The following BACH2 variants were observed in gnomAD, a reference collection of about 807,000 sequenced individuals.
BACH2 encodes the protein transcription regulator protein BACH2.
Under a neutral mutation model 61.8 loss-of-function variants are expected in BACH2, and 5 were observed. The observed-to-expected ratio is 0.08, with a 90% confidence interval of 0.04 to 0.17. The LOEUF is 0.17. BACH2 is among the 10% of genes least tolerant of loss of function. The pLI is 1.00. For synonymous variants in BACH2, 446 were observed against 440.1 expected (o/e 1.01, Z -0.17); for missense variants, 824 against 1,091.1 (o/e 0.76, Z 3.45).
At chr6:90,265,245 T>C (rs1473083234) in intron 2 of BACH2, among the ~76,000 whole-genome samples, 1 of 152,178 alleles carries the variant, frequency 6.6e-6, no homozygotes, top group African/African-American at 2.4e-5. Context: ...TGGAGGACAG[T>C]TGCTTCTCCC....
At chr6:90,081,270 C>T (rs1429729219) in intron 5 of BACH2, among the ~76,000 whole-genome samples, 2 of 152,130 alleles carry the variant, frequency 1.3e-5, no homozygotes, top group Non-Finnish European at 2.9e-5. Context: ...ATGACATGCC[C>T]ATCACTAAAC....
intron 4 of BACH2, among the ~76,000 whole-genome samples, chr6:90,166,864 C>T (rs192632871): frequency 0.014 from 1,983 of 143,160 alleles, 18 homozygotes; most frequent in Non-Finnish European, 0.021. Context: ...AATGAGAACA[C>T]ATGGACACAG....
chr6:89,932,934 C>A (rs759888631), intron 8 of BACH2, 44 bp from the exon 9 acceptor site: 2 of 1,519,618 alleles, frequency 1.3e-6, no homozygotes, highest in South Asian at 2.7e-5. Flanking sequence ...CAAGCCTGAA[C>A]TGGAGGACAG....
intron 6 of BACH2, among the ~76,000 whole-genome samples, chr6:90,006,724 C>G (rs1291511975): frequency 6.6e-6 from 1 of 151,904 alleles, no homozygotes; most frequent in South Asian, 2.1e-4. Context: ...TCAAGCAATC[C>G]TCCCTCCTCA....
intron 4 of BACH2, among the ~76,000 whole-genome samples, chr6:90,204,665 A>C (rs1769080136): frequency 6.6e-6 from 1 of 152,148 alleles, no homozygotes; most frequent in Non-Finnish European, 1.5e-5. Context: ...CGGAGCTGTC[A>C]CAGCAAACTG....
intron 4 of BACH2, among the ~76,000 whole-genome samples, chr6:90,094,602 A>C (rs911642385): frequency 1.1e-4 from 16 of 152,180 alleles, no homozygotes; most frequent in Admixed American, 2.0e-4. Context: ...CTAAACTTCA[A>C]GGACGGGACA....
rs552414284 is a variant in BACH2, at chr6:90,266,540, A to G, written c.-353+5309T>C. Among the ~76,000 whole-genome samples the G allele has an allele frequency of 2.6e-5, 4 of 152,350 alleles. No individual in the cohort carries two copies. In the East Asian group the frequency reaches 7.7e-4, roughly 29 times the overall value. On this transcript the variant is annotated intron_variant, in intron 2 of 8. Coordinates refer to ENST00000257749, the MANE Select transcript of BACH2 (RefSeq NM_021813.4). ...TAAATGGATAAACAAATTATTGTAT[A>G]TTGTAGCATACAATAAAATTTTATC...
chr6:89,943,767 A>G (rs905711389), intron 7 of BACH2, among the ~76,000 whole-genome samples: 19 of 152,220 alleles, frequency 1.2e-4, no homozygotes, highest in Admixed American at 2.6e-4. Flanking sequence ...TAGTTTGTTA[A>G]TATTTTTTCC....
At chr6:90,251,098 A>T (rs778245391) in intron 3 of BACH2, among the ~76,000 whole-genome samples, 1 of 152,202 alleles carries the variant, frequency 6.6e-6, no homozygotes, top group Non-Finnish European at 1.5e-5. Flanking sequence ...TTCAGTTGGA[A>T]CTACAGTTAA....
intron 5 of BACH2, among the ~76,000 whole-genome samples, chr6:90,011,049 A>G (rs1308001248): frequency 1.3e-5 from 2 of 152,190 alleles, no homozygotes; most frequent in African/African-American, 4.8e-5. Flanking sequence ...GATTCTCTTA[A>G]AAGTGTCTTT....
intron 6 of BACH2, among the ~76,000 whole-genome samples, chr6:89,993,071 T>C (rs543881611): frequency 6.6e-6 from 1 of 152,210 alleles, no homozygotes; most frequent in Non-Finnish European, 1.5e-5. Flanking sequence ...GGCGGCTGTC[T>C]GTAAGCCCAA....
intron 4 of BACH2, among the ~76,000 whole-genome samples, chr6:90,205,024 T>C (rs529550687): frequency 6.6e-5 from 10 of 152,196 alleles, no homozygotes; most frequent in African/African-American, 2.4e-4. Context: ...CCCATAAAAC[T>C]TGCATCTAGG....
intron 1 of BACH2, among the ~76,000 whole-genome samples, chr6:90,273,132 G>A (rs1050415659): frequency 6.6e-6 from 1 of 152,114 alleles, no homozygotes; most frequent in African/African-American, 2.4e-5. Flanking sequence ...AGGCTAAGGC[G>A]GAGGATCGCT....
chr6:90,004,813 C>T (rs1218067832), intron 6 of BACH2, among the ~76,000 whole-genome samples: 1 of 152,296 alleles, frequency 6.6e-6, no homozygotes, highest in African/African-American at 2.4e-5. Context: ...CTTAGCAAAA[C>T]ATATACTTAC....
rs752005438 is a variant in BACH2 at position 89,951,514 on chromosome 6, G to A, written c.592C>T (p.Pro198Ser). 1 of 1,614,216 alleles carries A rather than the reference G, an allele frequency of 6.2e-7. No homozygotes were observed. The highest frequency in any genetic ancestry group is 1.7e-5 in the Admixed American group (1 of 60,024). ...AGGGCTTCTTCCTTCTCTGCTACGGGGATGGCGGCGGCCTCAAAGCTGATG... is the reference window on the plus strand; with the variant it reads ...AGGGCTTCTTCCTTCTCTGCTACGGAGATGGCGGCGGCCTCAAAGCTGATG... ...EPISFEAAAI[P>S]VAEKEEALLP... The change falls in exon 7 of 9, where the codon CCC (proline) becomes TCC (serine). Residue 198 changes from proline (P) to serine (S), a missense_variant. By Grantham distance (74) the Pro-to-Ser change is moderately conservative. Around this residue, in one of 8 missense-constraint regions of BACH2, gnomAD observed 107 missense variants for 121.7 expected, o/e 0.88. Coordinates refer to ENST00000257749, the MANE Select transcript of BACH2 (RefSeq NM_021813.4). This position sits in a 1 kb window ranked among gnomAD's most constrained non-coding sequence, Gnocchi z 6.4.
chr6:89,970,780 C>T lies in BACH2; in HGVS notation c.244-18918G>A, dbSNP rs140096778. On this transcript the variant is annotated intron_variant, in intron 6 of 8. Coordinates refer to ENST00000257749, the MANE Select transcript of BACH2 (RefSeq NM_021813.4). ...TGCCCAGGCCCCCACCTGGGTGGTG[C>T]GCAATTCTAGGAATATGCTCTGGCT... Among the ~76,000 whole-genome samples the T allele has an allele frequency of 5.8e-3, 881 of 152,174 alleles. 7 individuals are homozygous for T. Among genetic ancestry groups the T allele is most frequent in the Middle Eastern group, 0.01 (3 of 294 alleles).
rs932651342 is a variant in BACH2 at position 90,053,278 on chromosome 6, C to CT, written c.-13+35682dup. On this transcript the variant is annotated intron_variant, in intron 5 of 8. Transcript: ENST00000257749. Reference sequence around the variant, plus strand: ...TCTTTTCTTCTTTCTGAAGTATACGCTTTTTTTTTCTTTTATTTAGAGACA... The same window carrying CT: ...TCTTTTCTTCTTTCTGAAGTATACGCTTTTTTTTTTCTTTTATTTAGAGACA... 1.5e-4 allele frequency among the ~76,000 whole-genome samples: 22 copies of CT among 151,378 alleles called. No individual in the cohort carries two copies. In the Middle Eastern group the frequency reaches 0.01, roughly 71 times the overall value.
At position 89,938,121 on chromosome 6, in the gene BACH2, T is replaced by A. The variant is rs753964543; in HGVS notation, c.2043+23A>T. The A allele has an allele frequency of 7.5e-6, 12 of 1,603,126 alleles. No homozygotes were observed. In the Admixed American group the frequency reaches 2.0e-4, roughly 27 times the overall value. ...AGTCCTGGTCACTTCAGGTTGCTGATCACAATGGATGGGTCAACTCACCAA... is the reference window on the plus strand; with the variant it reads ...AGTCCTGGTCACTTCAGGTTGCTGAACACAATGGATGGGTCAACTCACCAA... On this transcript the variant is annotated intron_variant, in intron 8 of 8. Coordinates refer to ENST00000257749, the MANE Select transcript of BACH2 (RefSeq NM_021813.4).
chr6:90,183,833 G>A (rs1009157770), intron 4 of BACH2, among the ~76,000 whole-genome samples: 6 of 152,150 alleles, frequency 3.9e-5, no homozygotes, highest in Non-Finnish European at 5.9e-5. Context: ...CTTCATATCA[G>A]CCATGAAGCA....
Sources: allele counts gnomAD v4.1 joint callset (sites outside exome capture counted in the v4.1 genomes callset), GRCh38; gene constraint gnomAD v4.1.1; regional missense constraint gnomAD v4.1.1; non-coding constraint Gnocchi (gnomAD v3.1); transcripts MANE v1.5; gene names NCBI Gene and HGNC (gene_info 2026-07-23, HGNC 2026-07-21).